Variants in SLIT2 observed in about 807,000 individuals in gnomAD.
SLIT2 encodes the protein slit homolog 2 protein.
In SLIT2, 41 loss-of-function variants were observed where a neutral mutation model predicts 185.7. That is an observed-to-expected ratio of 0.22 (90% CI 0.17 to 0.29). The LOEUF is 0.29. SLIT2 is among the 10% of genes least tolerant of loss of function. SLIT2 has a pLI of 1.00. For synonymous variants in SLIT2, 693 were observed against 680.2 expected, an observed-to-expected ratio of 1.02 and a Z score of -0.29; for missense variants, 1,571 against 1,909.0, an observed-to-expected ratio of 0.82 and a Z score of 3.30.
At chr4:20,409,775 A>T (rs2109424365) in intron 4 of SLIT2, among the ~76,000 whole-genome samples, 1 of 152,260 alleles carries the variant, frequency 6.6e-6, no homozygotes, top group Admixed American at 6.5e-5. Flanking sequence ...TACTGGTGTG[A>T]GATGATATCT....
At chr4:20,609,424 C>CA (rs1729039241) in intron 33 of SLIT2, among the ~76,000 whole-genome samples, 1 of 152,152 alleles carries the variant, frequency 6.6e-6, no homozygotes, top group African/African-American at 2.4e-5. Flanking sequence ...TTCTTCACAG[C>CA]AATATCAGTT....
At chr4:20,301,489 G>A (rs1484962490) in intron 4 of SLIT2, among the ~76,000 whole-genome samples, 1 of 152,042 alleles carries the variant, frequency 6.6e-6, no homozygotes, top group East Asian at 1.9e-4. Context: ...CATTAACGGG[G>A]CATACTAACT....
chr4:20,416,369 A>G (rs1054521279), intron 4 of SLIT2, among the ~76,000 whole-genome samples: 2 of 152,100 alleles, frequency 1.3e-5, no homozygotes, highest in African/African-American at 4.8e-5. Context: ...TTCCTATTGG[A>G]TTAGGGCCAC....
At chr4:20,391,675 G>T (rs1017752462) in intron 4 of SLIT2, among the ~76,000 whole-genome samples, 3 of 152,222 alleles carry the variant, frequency 2.0e-5, no homozygotes, top group Non-Finnish European at 4.4e-5. Flanking sequence ...TTGAGTAAAT[G>T]ATTGGCGACC....
chr4:20,372,945 A>C (rs1294261745), intron 4 of SLIT2, among the ~76,000 whole-genome samples: 4 of 152,162 alleles, frequency 2.6e-5, no homozygotes, highest in African/African-American at 9.6e-5. Context: ...AACAGATATG[A>C]GCATCATGTT....
At chr4:20,287,802 A>G (rs1463050449) in intron 4 of SLIT2, among the ~76,000 whole-genome samples, 1 of 152,230 alleles carries the variant, frequency 6.6e-6, no homozygotes, top group Non-Finnish European at 1.5e-5. Context: ...ACAGCACTTA[A>G]TATAGGGCTA....
At chr4:20,553,709 C>A (rs979433564) in intron 25 of SLIT2, 96 bp from the exon 26 acceptor site, 1 of 1,156,996 alleles carries the variant, frequency 8.6e-7, no homozygotes, top group Non-Finnish European at 1.1e-6. Context: ...TTCTTTTGCC[C>A]TTAGGAAATA....
chr4:20,364,507 TC>T (rs891393069), intron 4 of SLIT2, among the ~76,000 whole-genome samples: 4 of 152,182 alleles, frequency 2.6e-5, no homozygotes, highest in African/African-American at 9.6e-5. Context: ...TAGTTTGTTT[TC>T]TAGTTCCTAC....
intron 4 of SLIT2, among the ~76,000 whole-genome samples, chr4:20,298,895 G>T (rs1716768927): frequency 6.6e-6 from 1 of 152,194 alleles, no homozygotes; most frequent in Non-Finnish European, 1.5e-5. Flanking sequence ...GGCAATATCA[G>T]AGAGGTTGAT....
At chr4:20,383,041 TTAAG>T (rs1308402220) in intron 4 of SLIT2, among the ~76,000 whole-genome samples, 2 of 152,202 alleles carry the variant, frequency 1.3e-5, no homozygotes, top group East Asian at 3.9e-4. Flanking sequence ...ACCAAAGTAA[TTAAG>T]TAAGGAAATA....
chr4:20,458,158 G>A (rs1185622421), intron 4 of SLIT2, among the ~76,000 whole-genome samples: 1 of 150,930 alleles, frequency 6.6e-6, no homozygotes. Context: ...TCACACAACA[G>A]TGTGAACGTA....
At chr4:20,270,756 AGT>A (rs1214033777) in intron 4 of SLIT2, among the ~76,000 whole-genome samples, 1 of 151,986 alleles carries the variant, frequency 6.6e-6, no homozygotes, top group Non-Finnish European at 1.5e-5. Context: ...ATATTGACAA[AGT>A]GTATCCCTTT....
intron 4 of SLIT2, among the ~76,000 whole-genome samples, chr4:20,452,658 A>G (rs1224515644): frequency 6.6e-6 from 1 of 152,136 alleles, no homozygotes; most frequent in Non-Finnish European, 1.5e-5. Context: ...TATGGAAAGA[A>G]ACCCTTCTCT....
At chr4:20,515,314 C>G (rs1201096613) in intron 11 of SLIT2, among the ~76,000 whole-genome samples, 1 of 152,178 alleles carries the variant, frequency 6.6e-6, no homozygotes, top group East Asian at 1.9e-4. Flanking sequence ...TTGTATGTTT[C>G]TGGATCTCAA....
chr4:20,521,266 C>A (rs1406973234), intron 12 of SLIT2, among the ~76,000 whole-genome samples: 1 of 152,196 alleles, frequency 6.6e-6, no homozygotes, highest in Non-Finnish European at 1.5e-5. Flanking sequence ...CATTTCTACA[C>A]TAAGGCTCAT....
At chr4:20,412,196 T>C (rs1008250319) in intron 4 of SLIT2, among the ~76,000 whole-genome samples, 3 of 150,700 alleles carry the variant, frequency 2.0e-5, no homozygotes, top group African/African-American at 7.3e-5. Flanking sequence ...ATTTTCAGCT[T>C]GGTTAATTAA....
In SLIT2 at chr4:20,280,833, G is replaced by GTTTTTTTTTT. The variant is rs34477780; in HGVS notation, c.395+11959_395+11968dup. ...GTTTGAAGGCTTATATTAAAAAAAT[G>GTTTTTTTTTT]TTTTTTTTTTTTTTTTGAGACGGAG... is the stretch of plus-strand genomic sequence containing the variant. On this transcript the variant is annotated intron_variant, in intron 4 of 36. Transcript: ENST00000504154. 8.4e-3 allele frequency among the ~76,000 whole-genome samples: 1,095 copies of GTTTTTTTTTT among 130,262 alleles called. 28 individuals carry two copies. Among genetic ancestry groups the GTTTTTTTTTT allele is most frequent in the African/African-American group, 0.031 (1,015 of 32,632 alleles). The allele number at this position is 130,262 out of a possible 152,430, so 85.5% of individuals were successfully genotyped here.
intron 11 of SLIT2, among the ~76,000 whole-genome samples, chr4:20,518,587 ATTTTTTTTTTTTTTTTTTTT>A (rs71181568): frequency 1.7e-4 from 3 of 17,858 alleles, no homozygotes; most frequent in African/African-American, 7.2e-4. Context: ...ATATATATAT[ATTTTTTTTTTTTTTTTTTTT>A]TTTTTTTTTT....
In SLIT2 at chr4:20,541,589, G is replaced by A; in HGVS notation, c.2113G>A (p.Val705Met). The A allele has an allele frequency of 6.2e-7, 1 of 1,614,040 alleles. No homozygotes were observed. Among genetic ancestry groups the A allele is most frequent in the South Asian group, 1.1e-5 (1 of 91,074 alleles). The part of the protein sequence containing the change: ...YFLKEIPIQD[V>M]AIQDFTCDDG... Reference sequence around the variant, plus strand: ...CCTGAAAGAAATACCCATCCAGGATGTGGCCATTCAGGACTTCACTTGTGA... The same window carrying A: ...CCTGAAAGAAATACCCATCCAGGATATGGCCATTCAGGACTTCACTTGTGA... The change falls in exon 20 of 37, where the codon GTG (valine) becomes ATG (methionine). Residue 705 changes from valine to methionine, a missense_variant. Physicochemically the swap from Val to Met is conservative, Grantham distance 21 (BLOSUM62 1). Transcript: ENST00000504154.
Sources: gnomAD v4.1 joint callset for allele counts (sites outside exome capture counted in the v4.1 genomes callset) on GRCh38, gnomAD v4.1.1 for gene constraint, MANE v1.5 for transcripts, NCBI Gene and HGNC (gene_info 2026-07-23, HGNC 2026-07-21) for gene names.